The following IL11RA variants were observed in gnomAD, a reference collection of about 807,000 sequenced individuals.
The protein encoded by IL11RA is interleukin 11 receptor subunit alpha.
IL11RA carries 51 observed loss-of-function variants against 57.0 expected under a neutral mutation model. The observed-to-expected ratio is 0.89, with a 90% CI of 0.71 to 1.13. The LOEUF (loss-of-function observed/expected upper bound fraction) is 1.13, where lower values mean the gene tolerates loss of function less well. Ranked by LOEUF, IL11RA falls within the 50% of genes most tolerant of loss-of-function variation. The pLI is 0.00. For synonymous variants in IL11RA, 199 were observed against 217.5 expected (o/e 0.91, Z 0.75); for missense variants, 498 against 539.4 (o/e 0.92, Z 0.76).
Position 34,658,617 on chromosome 9 carries a change from C to T in IL11RA, c.744C>T (p.Cys248=). The T allele has an allele frequency of 6.2e-7, 1 of 1,614,120 alleles. No homozygotes were observed. Among genetic ancestry groups the T allele is most frequent in the South Asian group, 1.1e-5 (1 of 91,088 alleles). ...GGACATACCCTGCCTCCTGGCCGTG[C>T]CAGCCCCACTTCCTGCTCAAGTTCC... The part of the protein sequence containing the change: ...ASWTYPASWP[C]QPHFLLKFRL... Residue 248 remains cysteine, a synonymous_variant, in exon 8 of 13, where the codon TGC becomes TGT. Coordinates refer to ENST00000441545, the MANE Select transcript of IL11RA (RefSeq NM_001142784.3). The surrounding 1 kb of genome is among the most constrained non-coding windows in gnomAD (Gnocchi z 4.0).
rs1461690561 is a variant in IL11RA, at chr9:34,653,657, T to C, written c.-1+1424T>C. The stretch of plus-strand genomic sequence containing the variant: ...GTGTGAATGTGACTGTGTCTGGCTG[T>C]GTGAAAACACAGGGCATCTCTCACT... On this transcript the variant is annotated intron_variant, in intron 1 of 12. Transcript: ENST00000441545. The surrounding 1 kb of genome is among the most constrained non-coding windows in gnomAD (Gnocchi z 4.5). Among the ~76,000 whole-genome samples, 1 of 152,234 alleles carries C rather than the reference T, an allele frequency of 6.6e-6. No homozygotes were observed. The highest frequency in any genetic ancestry group is 1.5e-5 in the Non-Finnish European group (1 of 68,044).
Position 34,660,548 on chromosome 9 carries a change from G to A in IL11RA, c.1117G>A (p.Gly373Arg), listed in dbSNP as rs754625810. The change falls in exon 11 of 13, where the codon GGA becomes AGA. Residue 373 changes from glycine to arginine, a missense_variant. Gly to Arg is a moderately radical substitution (Grantham distance 125). Coordinates refer to ENST00000441545, the MANE Select transcript of IL11RA (RefSeq NM_001142784.3). ...VEQVAVLASL[G>R]ILSFLGLVAG... Reference sequence around the variant, plus strand: ...GCAGGTAGCTGTGCTGGCGTCTTTGGGAATCCTTTCTTTCCTGGGACTGGT... The same window carrying A: ...GCAGGTAGCTGTGCTGGCGTCTTTGAGAATCCTTTCTTTCCTGGGACTGGT... The A allele has an allele frequency of 6.2e-7, 1 of 1,614,182 alleles. No homozygotes were observed. The highest frequency in any genetic ancestry group is 1.3e-5 in the African/African-American group (1 of 75,050).
chr9:34,656,570 T>G (rs894568337), intron 3 of IL11RA, among the ~76,000 whole-genome samples, 169 bp from the exon 4 acceptor site: 1 of 152,076 alleles, frequency 6.6e-6, no homozygotes, highest in African/African-American at 2.4e-5. Flanking sequence ...AGATAGGAGC[T>G]GAAGAAGGAA....
At position 34,661,722 on chromosome 9, in the gene IL11RA, T is replaced by A; in HGVS notation, c.*224T>A. 1.4e-6 allele frequency: 1 copy of A among 702,638 alleles called. No homozygotes were observed. Among genetic ancestry groups the A allele is most frequent in the Non-Finnish European group, 2.5e-6 (1 of 401,722 alleles). 43.5% of individuals were successfully genotyped at this position (702,638 alleles called of 1,614,324 possible). A position where few individuals can be genotyped will look rare whatever the true frequency, so the allele number is the denominator to read the frequency against. The stretch of plus-strand genomic sequence containing the variant: ...CTGCTCAAGGAACGTGTGTAATGTG[T>A]ACATCTGTGTCCATGTGTGACCATG... On this transcript the variant is annotated 3_prime_UTR_variant, in exon 13 of 13. Transcript: ENST00000441545.
chr9:34,660,871 G>A lies in IL11RA; in HGVS notation c.1187G>A (p.Gly396Asp), dbSNP rs1821442741. 4 of 1,614,114 alleles carry A rather than the reference G, an allele frequency of 2.5e-6. No individual in the cohort carries two copies. Among genetic ancestry groups the A allele is most frequent in the Middle Eastern group, 1.6e-4 (1 of 6,084 alleles). Residue 396 changes from glycine (G) to aspartate (D), a missense_variant, in exon 12 of 13, where the codon GGT (glycine) becomes GAT (aspartate). Gly to Asp is a moderately conservative substitution (Grantham distance 94, BLOSUM62 -1). Transcript: ENST00000441545. ...TGCCCCAGGCTGAGGCTGAGACGGG[G>A]TGGGAAGGATGGATCCCCAAAGCCT... The part of the protein sequence containing the change: ...ALGLWLRLRR[G>D]GKDGSPKPGF...
Position 34,661,624 on chromosome 9 carries a change from C to A in IL11RA, c.*126C>A. 1 of 1,016,452 alleles carries A rather than the reference C, an allele frequency of 9.8e-7. No homozygotes were observed. The highest frequency in any genetic ancestry group is 1.6e-6 in the Non-Finnish European group (1 of 644,976). 63.0% of individuals were successfully genotyped at this position (1,016,452 alleles called of 1,614,324 possible). A position where few individuals can be genotyped will look rare whatever the true frequency, so the allele number is the denominator to read the frequency against. On this transcript the variant is annotated 3_prime_UTR_variant, in exon 13 of 13. Coordinates refer to ENST00000441545, the MANE Select transcript of IL11RA (RefSeq NM_001142784.3). ...TGGAAGTTCTGTTTGGAGCCCATTT[C>A]TGTGAGACCCTGTATTTCAAATTTG...
chr9:34,655,759 C>T (rs1256097792), intron 3 of IL11RA, 94 bp downstream of exon 3: 1 of 1,031,420 alleles, frequency 9.7e-7, no homozygotes, highest in Non-Finnish European at 1.5e-6. Flanking sequence ...CTTGCCCGCT[C>T]TGTCCGTAAT....
rs11575588 is a variant in IL11RA at position 34,656,731 on chromosome 9, A to C, written c.162-8A>C. On this transcript the variant is annotated splice_region_variant and splice_polypyrimidine_tract_variant and intron_variant, in intron 3 of 12. Coordinates refer to ENST00000441545, the MANE Select transcript of IL11RA (RefSeq NM_001142784.3). ...TCTTTGTCCATTGTCACCTCATCTC[A>C]CTTCCAGGGACCCAGTGTCCTGGTT... 3.9e-3 allele frequency: 6,325 copies of C among 1,614,006 alleles called. 223 individuals carry two copies. The African/African-American group carries it at 0.075, about 19-fold the overall frequency.
chr9:34,660,336 C>T lies in IL11RA; in HGVS notation c.1015C>T (p.Gln339Ter). 3 of 1,614,254 alleles carry T rather than the reference C, an allele frequency of 1.9e-6. No homozygotes were observed. The highest frequency in any genetic ancestry group is 2.5e-6 in the Non-Finnish European group (3 of 1,180,042). Residue 339 changes from glutamine to a stop codon, truncating the protein, a stop_gained, in exon 10 of 13, where the codon CAG becomes TAG. Transcript: ENST00000441545. LOFTEE classifies it high-confidence loss of function. ...ACACACGCAGCCAGAGGTGGAGCCTCAGGTGGACAGCCCTGCTCCTCCAAG... is the reference window on the plus strand; with the variant it reads ...ACACACGCAGCCAGAGGTGGAGCCTTAGGTGGACAGCCCTGCTCCTCCAAG... ...QLHTQPEVEP[Q>*]VDSPAPPRPS...
intron 3 of IL11RA, 117 bp from the exon 4 acceptor site, chr9:34,656,622 T>G: frequency 8.6e-7 from 1 of 1,166,648 alleles, no homozygotes; most frequent in Non-Finnish European, 1.3e-6. Context: ...TGAAAGCCAG[T>G]AAAAGGAATT....
chr9:34,655,720 C>T (rs1821331698), intron 3 of IL11RA, 55 bp downstream of exon 3: 1 of 1,504,818 alleles, frequency 6.6e-7, no homozygotes, highest in Non-Finnish European at 9.2e-7. Context: ...CTTGACTCTG[C>T]CTAGTCCTCA....
intron 7 of IL11RA, 90 bp downstream of exon 7, chr9:34,657,677 C>T (rs1421072694): frequency 2.3e-6 from 3 of 1,283,938 alleles, no homozygotes; most frequent in Non-Finnish European, 3.3e-6. Context: ...TCCCAGTTTC[C>T]TCCCAACCTA....
chr9:34,660,003 C>A (rs1437750335), intron 9 of IL11RA, 103 bp downstream of exon 9: 20 of 1,414,492 alleles, frequency 1.4e-5, no homozygotes, highest in Non-Finnish European at 2.0e-5. Context: ...CCTGCCCACA[C>A]AGGCACGGCA....
intron 3 of IL11RA, among the ~76,000 whole-genome samples, chr9:34,656,402 G>T (rs769691946): frequency 3.3e-5 from 5 of 152,156 alleles, no homozygotes; most frequent in African/African-American, 4.8e-5. Context: ...ATTTCTGAAG[G>T]TCAGGAAGGA....
chr9:34,660,506 C>T lies in IL11RA; in HGVS notation c.1075C>T (p.His359Tyr). ...TGACATGTGGCCCTCCCCCTCAGAT[C>T]ACAGGGACTCTGTGGAGCAGGTAGC... ...SLQPHPRLLD[H>Y]RDSVEQVAVL... The change falls in exon 11 of 13, where the codon CAC becomes TAC. Residue 359 changes from histidine to tyrosine, a missense_variant and splice_region_variant. Coordinates refer to ENST00000441545, the MANE Select transcript of IL11RA (RefSeq NM_001142784.3). The T allele has an allele frequency of 6.2e-7, 1 of 1,614,102 alleles. No individual in the cohort carries two copies. Among genetic ancestry groups the T allele is most frequent in the Non-Finnish European group, 8.5e-7 (1 of 1,179,954 alleles).
rs1165382614 is a variant in IL11RA, at chr9:34,661,785, T to G, written c.*287T>G. 6 of 798,168 alleles carry G rather than the reference T, an allele frequency of 7.5e-6. No individual in the cohort carries two copies. The highest frequency in any genetic ancestry group is 1.2e-5 in the Non-Finnish European group (6 of 481,712). The allele number at this position is 798,168 out of a possible 1,614,324, so 49.4% of individuals were successfully genotyped here. A position where few individuals can be genotyped will look rare whatever the true frequency, so the allele number is the denominator to read the frequency against. ...AGGGAACATGTATTCTCTGCATGCA[T>G]GTATGTAGGTGCCTGGGGAGTGTGT... On this transcript the variant is annotated 3_prime_UTR_variant, in exon 13 of 13. Transcript: ENST00000441545.
chr9:34,658,494 C>T lies in IL11RA; in HGVS notation c.647-26C>T, dbSNP rs1368394906. 1 of 1,613,718 alleles carries T rather than the reference C, an allele frequency of 6.2e-7. No individual in the cohort carries two copies. Among genetic ancestry groups the T allele is most frequent in the African/African-American group, 1.3e-5 (1 of 74,922 alleles). On this transcript the variant is annotated intron_variant, in intron 7 of 12. Transcript: ENST00000441545. This position sits in a 1 kb window ranked among gnomAD's most constrained non-coding sequence, Gnocchi z 4.0. ...AAGTGATGGAGACCCATAGCCTACC[C>T]TGACTTTGTGTCTTGATGCCCTTAG...
In IL11RA at chr9:34,658,994, G is replaced by T. The variant is rs538671106; in HGVS notation, c.810+311G>T. ...GGCTGGAGTGCAGTGGTGCAATCTC[G>T]GCTAACTGCAACCTCCACCTCCTGG... On this transcript the variant is annotated intron_variant, in intron 8 of 12. Transcript: ENST00000441545. This position sits in a 1 kb window ranked among gnomAD's most constrained non-coding sequence, Gnocchi z 4.0. 6.6e-6 allele frequency among the ~76,000 whole-genome samples: 1 copy of T among 151,920 alleles called. No homozygotes were observed. The highest frequency in any genetic ancestry group is 1.5e-5 in the Non-Finnish European group (1 of 68,002).
intron 9 of IL11RA, 64 bp from the exon 10 acceptor site, chr9:34,660,210 G>A (rs1294483811): frequency 1.2e-6 from 2 of 1,613,232 alleles, no homozygotes; most frequent in Admixed American, 3.3e-5. Context: ...TTGGCCTTGA[G>A]CACAGGACGT....
Sources: gnomAD v4.1 joint callset for allele counts (sites outside exome capture counted in the v4.1 genomes callset) on GRCh38, gnomAD v4.1.1 for gene constraint, Gnocchi (gnomAD v3.1) non-coding constraint, MANE v1.5 for transcripts, NCBI Gene and HGNC (gene_info 2026-07-23, HGNC 2026-07-21) for gene names.